SHROOM4: variants seen among roughly 807,000 people sequenced by gnomAD.
SHROOM4 encodes protein Shroom4.
A neutral mutation model predicts 80.3 loss-of-function variants in SHROOM4; 17 were observed. The observed-to-expected ratio is 0.21, with a 90% CI of 0.14 to 0.32. The LOEUF (loss-of-function observed/expected upper bound fraction) is 0.32, where lower values mean the gene tolerates loss of function less well. Ranked by LOEUF, SHROOM4 falls within the 10% of genes least tolerant of loss-of-function variation. The pLI, the probability that SHROOM4 is intolerant of heterozygous loss-of-function variation, is 1.00. For synonymous variants in SHROOM4, 400 were observed against 437.5 expected (o/e 0.91, Z 1.07); for missense variants, 993 against 1,140.3 (o/e 0.87, Z 1.86).
chrX:50,616,849 A>G (rs1930261655), intron 5 of SHROOM4, among the ~76,000 whole-genome samples: 1 of 111,649 alleles, frequency 9.0e-6, no homozygotes, highest in South Asian at 3.8e-4. Flanking sequence ...TTTCCAAACT[A>G]TACATTCTGT....
At chrX:50,652,732 G>C (rs782382011) in intron 2 of SHROOM4, among the ~76,000 whole-genome samples, 1 of 107,960 alleles carries the variant, frequency 9.3e-6, no homozygotes. Flanking sequence ...TTAATCCATC[G>C]TAATTTTTGT....
chrX:50,813,160 T>TGGCGGCGGTGGCGGC (rs1557273612), intron 1 of SHROOM4, among the ~76,000 whole-genome samples: 1 of 101,999 alleles, frequency 9.8e-6, no homozygotes, highest in African/African-American at 3.5e-5. Context: ...GCGGCGGCAG[T>TGGCGGCGGTGGCGGC]GGCGGCGGCG....
At chrX:50,693,585 G>A (rs1933281299) in intron 2 of SHROOM4, among the ~76,000 whole-genome samples, 1 of 102,100 alleles carries the variant, frequency 9.8e-6, no homozygotes, top group South Asian at 4.2e-4. Flanking sequence ...AAAAGTAAGA[G>A]CTTTTTTTTT....
chrX:50,633,893 C>T lies in SHROOM4; in HGVS notation c.2180G>A (p.Arg727Lys). 2.5e-6 allele frequency: 3 copies of T among 1,211,521 alleles called. No homozygotes were observed. Among genetic ancestry groups the T allele is most frequent in the Non-Finnish European group, 3.4e-6 (3 of 895,373 alleles). The change falls in exon 4 of 9, where the codon AGA becomes AAA. Residue 727 changes from arginine (R) to lysine (K), a missense_variant. By Grantham distance (26) the Arg-to-Lys change is conservative (BLOSUM62 2). Coordinates refer to ENST00000376020, the MANE Select transcript of SHROOM4 (RefSeq NM_020717.5). ...CTGTGAATTATGCTCTGGAGACCAT[C>T]TCCAATGACCTCCACGGACTCCACA... ...AHCGVRGGHW[R>K]WSPEHNSQPL...
intron 2 of SHROOM4, among the ~76,000 whole-genome samples, chrX:50,673,112 G>T (rs1219492444): frequency 1.8e-5 from 2 of 111,687 alleles, no homozygotes; most frequent in Admixed American, 1.9e-4. Context: ...AAATGACATA[G>T]AAAATATGTA....
At chrX:50,757,434 T>A (rs1163549081) in intron 1 of SHROOM4, among the ~76,000 whole-genome samples, 1 of 111,734 alleles carries the variant, frequency 8.9e-6, no homozygotes, top group Non-Finnish European at 1.9e-5. Flanking sequence ...GTCCTCCAAG[T>A]TTGATCTTTT....
rs1934067294 is a variant in SHROOM4 at position 50,720,038 on chromosome X, G to T, written c.118-24101C>A. Among the ~76,000 whole-genome samples the T allele has an allele frequency of 3.6e-5, 4 of 112,046 alleles. No homozygotes were observed. In the South Asian group the frequency reaches 1.5e-3, roughly 42 times the overall value. Reference sequence around the variant, plus strand: ...GTATGTCCATTCCAATCTGAGAACAGTAGATTCCCACTCATAGGCAATTTT... The same window carrying T: ...GTATGTCCATTCCAATCTGAGAACATTAGATTCCCACTCATAGGCAATTTT... On this transcript the variant is annotated intron_variant, in intron 1 of 8. Coordinates refer to ENST00000376020, the MANE Select transcript of SHROOM4 (RefSeq NM_020717.5).
Position 50,742,641 on chromosome X carries a change from CGG to C in SHROOM4, c.118-46706_118-46705del, listed in dbSNP as rs56399537. 4.0e-3 allele frequency among the ~76,000 whole-genome samples: 293 copies of C among 73,646 alleles called. 1 individual carries two copies. The highest frequency in any genetic ancestry group is 8.6e-3 in the South Asian group (10 of 1,168). The allele number at this position is 73,646 out of a possible 115,157, so 64.0% of individuals were successfully genotyped here. The stretch of plus-strand genomic sequence containing the variant: ...AATTGGAGTGGGGTTATGAATTTTT[CGG>C]GGGGGGGGGCAATCACAGAAGTGAA... On this transcript the variant is annotated intron_variant, in intron 1 of 8. Transcript: ENST00000376020.
intron 1 of SHROOM4, among the ~76,000 whole-genome samples, chrX:50,727,319 T>C (rs889498918): frequency 1.8e-5 from 2 of 112,279 alleles, no homozygotes; most frequent in African/African-American, 6.5e-5. Context: ...GGAATTGGGC[T>C]TTTGAGTTAA....
chrX:50,791,577 CTT>C (rs782127144), intron 1 of SHROOM4, among the ~76,000 whole-genome samples: 8 of 57,988 alleles, frequency 1.4e-4, no homozygotes, highest in African/African-American at 2.7e-4. Context: ...CCATGCCTGA[CTT>C]TTTTTTTTTT....
intron 5 of SHROOM4, among the ~76,000 whole-genome samples, chrX:50,626,236 G>A (rs1268632302): frequency 9.0e-6 from 1 of 111,287 alleles, no homozygotes; most frequent in Non-Finnish European, 1.9e-5. Context: ...TCTCCTCTAT[G>A]GGCCTTTCCT....
intron 5 of SHROOM4, among the ~76,000 whole-genome samples, chrX:50,611,713 A>C (rs970218248): frequency 4.5e-5 from 5 of 110,717 alleles, no homozygotes; most frequent in Non-Finnish European, 9.5e-5. Context: ...TGAGGCCAGG[A>C]GTTCCAGACG....
Position 50,634,504 on chromosome X carries a change from G to A in SHROOM4, c.1569C>T (p.Ala523=). The A allele has an allele frequency of 8.3e-7, 1 of 1,211,772 alleles. No homozygotes were observed. Among genetic ancestry groups the A allele is most frequent in the Non-Finnish European group, 1.1e-6 (1 of 895,557 alleles). Residue 523 remains alanine, a synonymous_variant, in exon 4 of 9, where the codon GCC becomes GCT. Transcript: ENST00000376020. The part of the protein sequence containing the change: ...NRTSRAASEL[A]NQQPSASGSL... The stretch of plus-strand genomic sequence containing the variant: ...AGCCAGAGGCAGAGGGTTGCTGGTT[G>A]GCCAATTCACTGGCTGCTCTGCTTG...
rs1264646751 is a variant in SHROOM4 at position 50,731,804 on chromosome X, G to A, written c.118-35867C>T. ...GGATAGCTACTAATCTCTTTTCAGA[G>A]AGGCTGACTTCATTTGCAAGAGAGC... On this transcript the variant is annotated intron_variant, in intron 1 of 8. Transcript: ENST00000376020. 2.7e-5 allele frequency among the ~76,000 whole-genome samples: 3 copies of A among 111,850 alleles called. No individual in the cohort carries two copies. The East Asian group carries it at 8.4e-4, about 31-fold the overall frequency.
intron 7 of SHROOM4, among the ~76,000 whole-genome samples, chrX:50,601,447 A>G (rs1434134570): frequency 1.8e-5 from 2 of 112,238 alleles, no homozygotes; most frequent in Non-Finnish European, 1.9e-5. Flanking sequence ...AATTGGAGGA[A>G]GGACTCTTGC....
At chrX:50,604,862 C>T (rs782274073) in intron 6 of SHROOM4, among the ~76,000 whole-genome samples, 42 of 111,960 alleles carry the variant, frequency 3.8e-4, no homozygotes, top group Admixed American at 2.9e-3. Context: ...GTCCATAAAG[C>T]AAGCTATACC....
intron 1 of SHROOM4, among the ~76,000 whole-genome samples, chrX:50,716,790 T>A: frequency 8.9e-6 from 1 of 112,219 alleles, no homozygotes; most frequent in South Asian, 3.7e-4. Flanking sequence ...TTTCCCAGAC[T>A]TACTTGTTAG....
In SHROOM4 at chrX:50,587,370, G is replaced by C. The variant is rs1331709341; in HGVS notation, c.*9325C>G. On this transcript the variant is annotated 3_prime_UTR_variant, in exon 9 of 9. Coordinates refer to ENST00000376020, the MANE Select transcript of SHROOM4 (RefSeq NM_020717.5). ...GAATACGATGACCATATGATGCAGA[G>C]ATTCTTCTTCTGGGTAAATACCCAA... Among the ~76,000 whole-genome samples the C allele has an allele frequency of 8.9e-6, 1 of 112,013 alleles. No individual in the cohort carries two copies. The highest frequency in any genetic ancestry group is 3.2e-5 in the African/African-American group (1 of 30,835).
intron 1 of SHROOM4, among the ~76,000 whole-genome samples, chrX:50,812,155 T>C (rs1463465615): frequency 9.3e-6 from 1 of 107,479 alleles, no homozygotes; most frequent in East Asian, 3.0e-4. Flanking sequence ...GGAAATTCTG[T>C]GGGCGGTGTG....
Sources: gnomAD v4.1 joint callset for allele counts (sites outside exome capture counted in the v4.1 genomes callset) on GRCh38, gnomAD v4.1.1 for gene constraint, MANE v1.5 for transcripts, NCBI Gene and HGNC (gene_info 2026-07-23, HGNC 2026-07-21) for gene names.